TRIM61: variants seen among roughly 807,000 people sequenced by gnomAD.
The protein encoded by TRIM61 is putative tripartite motif-containing protein 61.
In TRIM61, 1 loss-of-function variant was observed where a neutral mutation model predicts 14.2. The observed-to-expected ratio is 0.07, with a 90% CI of 0.03 to 0.33. The LOEUF (loss-of-function observed/expected upper bound fraction) is 0.33. TRIM61 is among the 10% of genes least tolerant of loss of function. TRIM61 has a pLI of 0.99. For missense variants in TRIM61, 19 were observed against 202.2 expected (o/e 0.09, Z 5.49); for synonymous variants, 8 against 71.6 (o/e 0.11, Z 4.49).
chr4:164,966,253 A>G (rs1332077406), intron 3 of TRIM61, among the ~76,000 whole-genome samples: 1 of 152,254 alleles, frequency 6.6e-6, no homozygotes, highest in Admixed American at 6.5e-5. Flanking sequence ...AAACTGTTAT[A>G]GAAAAAGCAA....
At chr4:164,964,402 A>C (rs1732197079) in intron 3 of TRIM61, among the ~76,000 whole-genome samples, 2 of 152,104 alleles carry the variant, frequency 1.3e-5, no homozygotes, top group South Asian at 4.1e-4. Flanking sequence ...AGAGCTTTTA[A>C]ATGTAAAGCA....
chr4:164,963,338 G>A (rs775900191), intron 3 of TRIM61, among the ~76,000 whole-genome samples: 35 of 152,144 alleles, frequency 2.3e-4, no homozygotes, highest in Non-Finnish European at 4.4e-4. Flanking sequence ...CTTGTCTCCA[G>A]TGAAAACAAA....
intron 3 of TRIM61, among the ~76,000 whole-genome samples, chr4:164,962,076 G>C (rs1326605795): frequency 2.0e-5 from 3 of 152,102 alleles, no homozygotes; most frequent in Non-Finnish European, 4.4e-5. Flanking sequence ...TTATCTTATA[G>C]GACCACTGTA....
chr4:164,956,569 A>C (rs1731994305), intron 3 of TRIM61, among the ~76,000 whole-genome samples: 1 of 152,202 alleles, frequency 6.6e-6, no homozygotes, highest in Non-Finnish European at 1.5e-5. Context: ...TAATTTCATT[A>C]TTTATTCCCT....
chr4:164,963,383 C>T (rs1732174809), intron 3 of TRIM61, among the ~76,000 whole-genome samples: 1 of 152,144 alleles, frequency 6.6e-6, no homozygotes, highest in African/African-American at 2.4e-5. Flanking sequence ...TCTTTTCAAG[C>T]TCCTATGGGA....
At chr4:164,957,212 G>A in intron 3 of TRIM61, 1 of 1,614,038 alleles carries the variant, frequency 6.2e-7, no homozygotes, top group Non-Finnish European at 8.5e-7. Context: ...CAGACATCCA[G>A]GGACGACCAC....
intron 2 of TRIM61, among the ~76,000 whole-genome samples, chr4:164,971,829 A>C (rs1334789813): frequency 6.6e-6 from 1 of 152,024 alleles, no homozygotes; most frequent in Non-Finnish European, 1.5e-5. Context: ...CCTAACCATC[A>C]ATACAGTATT....
At chr4:164,968,539 T>G in intron 3 of TRIM61, 1 of 985,818 alleles carries the variant, frequency 1.0e-6, no homozygotes. Flanking sequence ...CTAGATTCAC[T>G]GGCTCAGTTA....
chr4:164,975,803 G>C (rs1444343820), intron 2 of TRIM61, among the ~76,000 whole-genome samples: 1 of 152,078 alleles, frequency 6.6e-6, no homozygotes, highest in Non-Finnish European at 1.5e-5. Flanking sequence ...CCTGACACCC[G>C]TAAAGGGTCT....
At chr4:164,975,957 C>T (rs956814807) in intron 2 of TRIM61, among the ~76,000 whole-genome samples, 1 of 152,200 alleles carries the variant, frequency 6.6e-6, no homozygotes, top group African/African-American at 2.4e-5. Flanking sequence ...AGGAGAAAAA[C>T]CGCCCTATGG....
At chr4:164,965,362 C>T (rs146448484) in intron 3 of TRIM61, among the ~76,000 whole-genome samples, 26 of 151,996 alleles carry the variant, frequency 1.7e-4, no homozygotes, top group African/African-American at 4.6e-4. Context: ...TCCATTATAA[C>T]GCCAGCTGAC....
At chr4:164,956,195 A>G (rs1731985536) in intron 3 of TRIM61, among the ~76,000 whole-genome samples, 3 of 152,110 alleles carry the variant, frequency 2.0e-5, no homozygotes, top group Admixed American at 2.0e-4. Context: ...CCTCCGGAGT[A>G]GCTGGGACCA....
chr4:164,968,812 A>G, intron 3 of TRIM61: 1 of 961,066 alleles, frequency 1.0e-6, no homozygotes, highest in Non-Finnish European at 1.2e-6. Context: ...CCAATACAAT[A>G]TAATTATTCT....
intron 2 of TRIM61, among the ~76,000 whole-genome samples, chr4:164,971,104 C>A (rs28631315): frequency 0.25 from 38,208 of 151,584 alleles, 5,134 homozygotes; most frequent in Middle Eastern, 0.36. Flanking sequence ...CTATCTCCCC[C>A]CTCAAAAAAA....
intron 2 of TRIM61, among the ~76,000 whole-genome samples, chr4:164,974,868 G>A (rs1202773243): frequency 6.6e-6 from 1 of 152,194 alleles, no homozygotes; most frequent in African/African-American, 2.4e-5. Flanking sequence ...AAGTTAGAAA[G>A]TGCATGGGAA....
intron 1 of TRIM61, among the ~76,000 whole-genome samples, 187 bp from the exon 2 acceptor site, chr4:164,977,012 A>G (rs1732497402): frequency 6.6e-6 from 1 of 152,090 alleles, no homozygotes. Context: ...TGTTTGAGGA[A>G]TAAATAAAAC....
rs1395925116 is a variant in TRIM61 at position 164,976,708 on chromosome 4, A to G, written c.-358T>C. On this transcript the variant is annotated 5_prime_UTR_variant, in exon 2 of 5. Coordinates refer to ENST00000329314, the MANE Select transcript of TRIM61 (RefSeq NM_001012414.3). ...CTTACCTTGCATTATAATCACCTGGAGGTCTTGGTAAAAGATTGCCTGGGC... is the reference window on the plus strand; with the variant it reads ...CTTACCTTGCATTATAATCACCTGGGGGTCTTGGTAAAAGATTGCCTGGGC... 1 of 152,198 alleles carries G rather than the reference A, an allele frequency of 6.6e-6. No individual in the cohort carries two copies. Among genetic ancestry groups the G allele is most frequent in the Non-Finnish European group, 1.5e-5 (1 of 68,040 alleles). The allele number at this position is 152,198 out of a possible 1,614,324, so 9.4% of individuals were successfully genotyped here.
At chr4:164,960,636 C>T (rs56946982) in intron 3 of TRIM61, among the ~76,000 whole-genome samples, 1 of 151,686 alleles carries the variant, frequency 6.6e-6, no homozygotes, top group Non-Finnish European at 1.5e-5. Flanking sequence ...CCCTATAAAA[C>T]TAATATAATC....
At position 164,970,331 on chromosome 4, in the gene TRIM61, G is replaced by A. The variant is rs1293087395; in HGVS notation, c.-329C>T. ...AAAGCAGCCTCAGGTCCAAGATAGG[G>A]AATCCTTCCTATGAGTAAGAAAAGA... On this transcript the variant is annotated 5_prime_UTR_variant, in exon 3 of 5. Transcript: ENST00000329314. The A allele has an allele frequency of 7.6e-6, 2 of 262,524 alleles. No homozygotes were observed. Among genetic ancestry groups the A allele is most frequent in the Non-Finnish European group, 1.4e-5 (2 of 138,234 alleles). The allele number at this position is 262,524 out of a possible 1,614,324, so 16.3% of individuals were successfully genotyped here. A position where few individuals can be genotyped will look rare whatever the true frequency, so the allele number is the denominator to read the frequency against.
Sources: allele counts gnomAD v4.1 joint callset (sites outside exome capture counted in the v4.1 genomes callset), GRCh38; gene constraint gnomAD v4.1.1; transcripts MANE v1.5; gene names NCBI Gene and HGNC (gene_info 2026-07-23, HGNC 2026-07-21).